The following SLC25A30 variants were observed in gnomAD, a reference collection of about 807,000 sequenced individuals.
SLC25A30 encodes the protein kidney mitochondrial carrier protein 1.
SLC25A30 carries 29 observed loss-of-function variants against 42.7 expected under a neutral mutation model. That is an observed-to-expected ratio of 0.68 (90% confidence interval 0.51 to 0.93). The LOEUF (loss-of-function observed/expected upper bound fraction) is 0.93. Ranked by LOEUF, SLC25A30 falls within the 40% of genes least tolerant of loss-of-function variation. SLC25A30 has a pLI of 0.00. For missense variants in SLC25A30, 300 were observed against 359.7 expected (o/e 0.83, Z 1.34); for synonymous variants, 124 against 131.0 (o/e 0.95, Z 0.37).
intron 1 of SLC25A30, among the ~76,000 whole-genome samples, chr13:45,417,100 G>C (rs1034916770): frequency 2.0e-5 from 3 of 152,026 alleles, no homozygotes; most frequent in African/African-American, 7.2e-5. Flanking sequence ...TGCAACCTCC[G>C]TCTCCTGGAT....
chr13:45,425,186 A>G, the SLC25A30 span, among the ~76,000 whole-genome samples: 1 of 99,048 alleles, frequency 1.0e-5, no homozygotes, highest in South Asian at 2.7e-4. Flanking sequence ...AAATATATAT[A>G]CATATATAAA....
In SLC25A30 at chr13:45,400,546, G is replaced by C. The variant is rs1017819722; in HGVS notation, c.614+537C>G. ...GGGTCTTTCTCTGTTGCCCAGGCTA[G>C]GGTTCCGTCGCCCAGTCAAGGCTCA... On this transcript the variant is annotated intron_variant, in intron 7 of 9. Transcript: ENST00000519676. Among the ~76,000 whole-genome samples the C allele has an allele frequency of 5.3e-5, 8 of 152,146 alleles. No individual in the cohort carries two copies. In the East Asian group the frequency reaches 9.6e-4, roughly 18 times the overall value.
At chr13:45,405,827 TA>T in intron 4 of SLC25A30, 55 bp downstream of exon 4, 1 of 1,538,516 alleles carries the variant, frequency 6.5e-7, no homozygotes, top group Non-Finnish European at 9.0e-7. Flanking sequence ...ACCACTTGAA[TA>T]AAAAGACAGA....
chr13:45,424,825 AAAATATATATATAAAAATATATAT>A, the SLC25A30 span, among the ~76,000 whole-genome samples: 588 of 45,374 alleles, frequency 0.013, 88 homozygotes, highest in East Asian at 0.085. Context: ...TAAATATATA[AAAATATATATATAAAAATATATAT>A]AAATATATAT....
At chr13:45,423,872 A>G in the SLC25A30 span, among the ~76,000 whole-genome samples, 1 of 76,330 alleles carries the variant, frequency 1.3e-5, no homozygotes, top group East Asian at 3.5e-4. Context: ...ATATATATAA[A>G]ATATATAAAA....
chr13:45,428,162 GCCATTTATACCCTTCT>G, the SLC25A30 span, among the ~76,000 whole-genome samples: 1 of 151,766 alleles, frequency 6.6e-6, no homozygotes, highest in Non-Finnish European at 1.5e-5. Context: ...CATTTTTTCT[GCCATTTATACCCTTCT>G]CCAATTTGTT....
intron 2 of SLC25A30, among the ~76,000 whole-genome samples, chr13:45,409,460 TAAAA>T (rs1179738604): frequency 6.6e-6 from 1 of 151,582 alleles, no homozygotes; most frequent in Non-Finnish European, 1.5e-5. Flanking sequence ...AACAAAGAGG[TAAAA>T]AAAGTTCATT....
the SLC25A30 span, among the ~76,000 whole-genome samples, chr13:45,430,108 AT>A: frequency 2.0e-5 from 3 of 152,142 alleles, no homozygotes; most frequent in Non-Finnish European, 4.4e-5. Flanking sequence ...AGAGAGTTAT[AT>A]TTTTAAAAAC....
chr13:45,425,609 C>CGT, the SLC25A30 span, among the ~76,000 whole-genome samples: 111 of 27,150 alleles, frequency 4.1e-3, 15 homozygotes, highest in African/African-American at 0.016. Flanking sequence ...TATATATATA[C>CGT]ATATATAAAT....
At chr13:45,427,136 C>G in the SLC25A30 span, among the ~76,000 whole-genome samples, 3 of 152,004 alleles carry the variant, frequency 2.0e-5, no homozygotes, top group Non-Finnish European at 4.4e-5. Context: ...GGGAGCTATA[C>G]TAGGCTGGGT....
chr13:45,429,883 C>G, the SLC25A30 span, among the ~76,000 whole-genome samples: 3 of 151,160 alleles, frequency 2.0e-5, no homozygotes, highest in East Asian at 3.9e-4. Flanking sequence ...CTCAGGACAA[C>G]AGCAACCAGG....
the SLC25A30 span, among the ~76,000 whole-genome samples, chr13:45,426,807 C>A: frequency 6.6e-6 from 1 of 152,100 alleles, no homozygotes; most frequent in East Asian, 1.9e-4. Flanking sequence ...AAATCAATTG[C>A]ACATTTTAAA....
the SLC25A30 span, among the ~76,000 whole-genome samples, chr13:45,424,732 T>G: frequency 1.6e-4 from 10 of 63,046 alleles, no homozygotes; most frequent in African/African-American, 5.9e-4. Context: ...TATATAAATA[T>G]GTATAAATAT....
chr13:45,419,890 G>T (rs1167556818), upstream of SLC25A30, among the ~76,000 whole-genome samples: 1 of 149,044 alleles, frequency 6.7e-6, no homozygotes, highest in Non-Finnish European at 1.5e-5. Context: ...AGATCACGCC[G>T]CTGCACTCTA....
chr13:45,423,828 A>ATT, the SLC25A30 span, among the ~76,000 whole-genome samples: 1 of 75,750 alleles, frequency 1.3e-5, no homozygotes, highest in Non-Finnish European at 2.2e-5. Context: ...ATAAATATAT[A>ATT]TTTATATATA....
In SLC25A30 at chr13:45,404,365, T is replaced by C; in HGVS notation, c.355A>G (p.Ile119Val). ...NVICGILSGVISSTIANPTDV... is the reference protein window; with the variant it reads ...NVICGILSGVVSSTIANPTDV... ...GTTGGATTAGCAATGGTTGAAGATA[T>C]GACTCCAGACAGAATTCCACATATC... is the stretch of plus-strand genomic sequence containing the variant. Residue 119 changes from isoleucine (I) to valine (V), a missense_variant, in exon 5 of 10, where the codon ATA becomes GTA. Transcript: ENST00000519676. The C allele has an allele frequency of 1.9e-6, 3 of 1,613,744 alleles. No homozygotes were observed. Among genetic ancestry groups the C allele is most frequent in the Non-Finnish European group, 2.5e-6 (3 of 1,179,702 alleles).
intron 7 of SLC25A30, among the ~76,000 whole-genome samples, chr13:45,400,790 C>A (rs1003859223): frequency 6.6e-6 from 1 of 152,116 alleles, no homozygotes; most frequent in Non-Finnish European, 1.5e-5. Flanking sequence ...AACTACTGTG[C>A]CCAGCCTGTT....
chr13:45,423,851 T>TGTATATATAA, the SLC25A30 span, among the ~76,000 whole-genome samples: 1 of 58,016 alleles, frequency 1.7e-5, no homozygotes, highest in Non-Finnish European at 3.3e-5. Context: ...AATATGTAAA[T>TGTATATATAA]ATATATATAA....
the SLC25A30 span, among the ~76,000 whole-genome samples, chr13:45,425,571 TAA>T: frequency 1.9e-5 from 2 of 103,744 alleles, no homozygotes; most frequent in South Asian, 2.5e-4. Context: ...TAAATATATA[TAA>T]GTATATATAT....
Sources: allele counts gnomAD v4.1 joint callset (sites outside exome capture counted in the v4.1 genomes callset), GRCh38; gene constraint gnomAD v4.1.1; transcripts MANE v1.5; gene names NCBI Gene and HGNC (gene_info 2026-07-23, HGNC 2026-07-21).